The following PCDH15 variants were observed in gnomAD, a reference collection of about 807,000 sequenced individuals.
The protein encoded by PCDH15 is protocadherin-15.
PCDH15 carries 129 observed loss-of-function variants against 178.5 expected under a neutral mutation model. That is an observed-to-expected ratio of 0.72 (90% CI 0.63 to 0.84). The LOEUF (loss-of-function observed/expected upper bound fraction) is 0.84. PCDH15 is among the 40% of genes least tolerant of loss of function. The probability of loss-of-function intolerance (pLI) is 0.00; values close to 1 mark genes in which losing one functional copy is unlikely to be tolerated. For synonymous variants in PCDH15, 800 were observed against 732.0 expected (o/e 1.09, Z -1.50); for missense variants, 2,230 against 2,099.9 (o/e 1.06, Z -1.21).
chr10:55,048,199 A>G (rs752515921), intron 2 of PCDH15, among the ~76,000 whole-genome samples: 2 of 151,914 alleles, frequency 1.3e-5, no homozygotes, highest in Non-Finnish European at 2.9e-5. Context: ...GCATAAACAT[A>G]TGGTCCAATG....
At chr10:54,734,164 T>C (rs1943770403) in intron 1 of PCDH15, among the ~76,000 whole-genome samples, 1 of 151,758 alleles carries the variant, frequency 6.6e-6, no homozygotes, top group Non-Finnish European at 1.5e-5. Flanking sequence ...TATGTATTTG[T>C]CAATCCCCTA....
At chr10:55,541,199 T>A (rs563860934) in intron 2 of PCDH15, among the ~76,000 whole-genome samples, 7 of 152,114 alleles carry the variant, frequency 4.6e-5, no homozygotes, top group African/African-American at 1.7e-4. Flanking sequence ...CTAATAAAGT[T>A]TGAATCATTC....
At chr10:55,119,095 G>T (rs1837700037) in intron 2 of PCDH15, among the ~76,000 whole-genome samples, 2 of 152,148 alleles carry the variant, frequency 1.3e-5, no homozygotes, top group Admixed American at 1.3e-4. Flanking sequence ...AGCTGCCTCT[G>T]TAGGTAGAAA....
chr10:54,003,023 G>A (rs1461255091), intron 20 of PCDH15, among the ~76,000 whole-genome samples: 2 of 152,116 alleles, frequency 1.3e-5, no homozygotes, highest in Non-Finnish European at 2.9e-5. Flanking sequence ...GTGAAGGTCC[G>A]CAGCTTCATT....
intron 2 of PCDH15, among the ~76,000 whole-genome samples, chr10:54,581,888 C>A (rs1401759808): frequency 6.6e-6 from 1 of 151,958 alleles, no homozygotes; most frequent in Non-Finnish European, 1.5e-5. Context: ...TGGACTCCTA[C>A]CTTTCACCAT....
chr10:55,186,779 A>G (rs2132140861), intron 1 of PCDH15, among the ~76,000 whole-genome samples: 1 of 151,510 alleles, frequency 6.6e-6, no homozygotes, highest in East Asian at 1.9e-4. Flanking sequence ...TTCCTGAAAA[A>G]TTTGCTAGTA....
chr10:54,433,648 A>C (rs111314288), intron 3 of PCDH15, among the ~76,000 whole-genome samples: 1 of 152,176 alleles, frequency 6.6e-6, no homozygotes, highest in Non-Finnish European at 1.5e-5. Flanking sequence ...CAGAGGGACT[A>C]TAGTCAACAA....
intron 8 of PCDH15, among the ~76,000 whole-genome samples, chr10:54,306,378 T>G (rs1176881121): frequency 6.6e-6 from 1 of 151,986 alleles, no homozygotes; most frequent in African/African-American, 2.4e-5. Flanking sequence ...GAAAGATAAT[T>G]TAAGGAACTG....
intron 3 of PCDH15, among the ~76,000 whole-genome samples, chr10:54,436,566 T>A (rs2075433627): frequency 6.6e-6 from 1 of 152,188 alleles, no homozygotes; most frequent in Non-Finnish European, 1.5e-5. Flanking sequence ...CTGGAAATTC[T>A]TAAAGGATTC....
chr10:54,470,109 G>C (rs191437870), intron 3 of PCDH15, among the ~76,000 whole-genome samples: 9 of 152,276 alleles, frequency 5.9e-5, no homozygotes, highest in Non-Finnish European at 4.4e-5. Flanking sequence ...CAGGGGTGGA[G>C]TGATCCCCAA....
chr10:54,068,794 T>A (rs2094184831), intron 17 of PCDH15, among the ~76,000 whole-genome samples: 1 of 152,172 alleles, frequency 6.6e-6, no homozygotes, highest in Non-Finnish European at 1.5e-5. Flanking sequence ...AGGTGTGTTC[T>A]CTATGTAAAA....
At chr10:55,613,981 G>A (rs968760481) in intron 2 of PCDH15, among the ~76,000 whole-genome samples, 3 of 152,028 alleles carry the variant, frequency 2.0e-5, no homozygotes, top group African/African-American at 7.2e-5. Context: ...GGGCATGGTG[G>A]TGGGTGCCTG....
intron 3 of PCDH15, among the ~76,000 whole-genome samples, chr10:54,816,226 T>C (rs958338090): frequency 6.6e-6 from 1 of 152,076 alleles, no homozygotes; most frequent in South Asian, 2.1e-4. Context: ...TATATATTTA[T>C]GTAGTATTAA....
chr10:55,231,416 A>T, intron 1 of PCDH15, among the ~76,000 whole-genome samples: 1 of 152,018 alleles, frequency 6.6e-6, no homozygotes, highest in East Asian at 1.9e-4. Context: ...ATTCAAAGTA[A>T]CAGGAGTTGT....
At chr10:54,735,310 A>G (rs1171152629) in intron 1 of PCDH15, among the ~76,000 whole-genome samples, 7 of 152,090 alleles carry the variant, frequency 4.6e-5, no homozygotes, top group Non-Finnish European at 1.0e-4. Context: ...AGTCAGAATG[A>G]TTGCCATTCT....
At position 53,831,519 on chromosome 10, in the gene PCDH15, T is replaced by C. The variant is rs1008975397; in HGVS notation, c.3998A>G (p.Lys1333Arg). The change falls in exon 30 of 38, where the codon AAA becomes AGA. Residue 1333 changes from lysine to arginine, a missense_variant. Lys to Arg is a conservative substitution (Grantham distance 26). Transcript: ENST00000644397. ...RNELFKFLDG[K>R]LLDINKDFQP... ...AAAGTCTTTATTGATATCAAGTAGT[T>C]TGCCATCCAAAAATCTTTATTGTTA... The C allele has an allele frequency of 6.2e-7, 1 of 1,613,374 alleles. No homozygotes were observed. The highest frequency in any genetic ancestry group is 8.5e-7 in the Non-Finnish European group (1 of 1,179,508).
At chr10:54,379,849 T>C (rs988912407) in intron 3 of PCDH15, among the ~76,000 whole-genome samples, 1 of 151,982 alleles carries the variant, frequency 6.6e-6, no homozygotes, top group East Asian at 1.9e-4. Context: ...GCAAGTAAAA[T>C]GTAGCCTCCA....
intron 15 of PCDH15, among the ~76,000 whole-genome samples, chr10:54,098,527 T>A (rs6481055): frequency 0.77 from 116,773 of 152,018 alleles, 45,930 homozygotes; most frequent in African/African-American, 0.92. Context: ...CCAATTATTC[T>A]TAGTTTTTAT....
chr10:54,806,511 T>C (rs1366158978), intron 3 of PCDH15, among the ~76,000 whole-genome samples: 1 of 150,550 alleles, frequency 6.6e-6, no homozygotes, highest in Non-Finnish European at 1.5e-5. Flanking sequence ...TGAGACGGAG[T>C]CTTGCTCTGT....
Sources: gnomAD v4.1 joint callset for allele counts (sites outside exome capture counted in the v4.1 genomes callset) on GRCh38, gnomAD v4.1.1 for gene constraint, MANE v1.5 for transcripts, NCBI Gene and HGNC (gene_info 2026-07-23, HGNC 2026-07-21) for gene names.